CALN1: variants seen among roughly 807,000 people sequenced by gnomAD.
CALN1 encodes the protein calneuron 1.
CALN1 carries 17 observed loss-of-function variants against 30.6 expected under a neutral mutation model. That is an observed-to-expected ratio of 0.56 (90% CI 0.38 to 0.83). The LOEUF (loss-of-function observed/expected upper bound fraction) is 0.83, where lower values mean the gene tolerates loss of function less well. CALN1 is among the 40% of genes least tolerant of loss of function. The pLI, the probability that CALN1 is intolerant of heterozygous loss-of-function variation, is 0.00. For synonymous variants in CALN1, 156 were observed against 131.4 expected, an observed-to-expected ratio of 1.19 and a Z score of -1.28; for missense variants, 291 against 354.9, an observed-to-expected ratio of 0.82 and a Z score of 1.45.
At chr7:71,961,279 A>G (rs1054099724) in intron 5 of CALN1, among the ~76,000 whole-genome samples, 7 of 152,246 alleles carry the variant, frequency 4.6e-5, no homozygotes, top group African/African-American at 1.7e-4. Flanking sequence ...ATAGCAAACA[A>G]GACAGACAAG....
intron 4 of CALN1, among the ~76,000 whole-genome samples, chr7:72,073,145 C>T (rs929540356): frequency 1.3e-5 from 2 of 152,102 alleles, no homozygotes; most frequent in African/African-American, 4.8e-5. Flanking sequence ...ATAAGCCACT[C>T]ATAAAAAGAC....
chr7:72,246,467 C>T (rs934348435), intron 3 of CALN1, among the ~76,000 whole-genome samples: 5 of 152,140 alleles, frequency 3.3e-5, no homozygotes, highest in African/African-American at 1.2e-4. Context: ...CTGCCCTGTC[C>T]TGCCCCCAGT....
intron 2 of CALN1, among the ~76,000 whole-genome samples, chr7:72,377,612 ACTTCTCTG>A: frequency 6.6e-6 from 1 of 152,238 alleles, no homozygotes. Context: ...TTGTTTAGCA[ACTTCTCTG>A]AACTAATTTT....
At chr7:72,013,204 C>G (rs1352962926) in intron 5 of CALN1, among the ~76,000 whole-genome samples, 7 of 151,566 alleles carry the variant, frequency 4.6e-5, no homozygotes, top group Non-Finnish European at 1.0e-4. Flanking sequence ...TTGTTTTTGC[C>G]CCTGAAAACA....
At chr7:71,910,684 T>C (rs1794380692) in intron 5 of CALN1, among the ~76,000 whole-genome samples, 1 of 152,174 alleles carries the variant, frequency 6.6e-6, no homozygotes, top group African/African-American at 2.4e-5. Flanking sequence ...GCTTACTCAT[T>C]CTAGCAGATT....
At chr7:72,141,912 G>A (rs1563092911) in intron 3 of CALN1, among the ~76,000 whole-genome samples, 1 of 152,126 alleles carries the variant, frequency 6.6e-6, no homozygotes, top group South Asian at 2.1e-4. Context: ...CAAAACATGA[G>A]GCTTGATTAC....
chr7:72,375,324 A>T (rs1242440732), intron 2 of CALN1, among the ~76,000 whole-genome samples: 2 of 152,138 alleles, frequency 1.3e-5, no homozygotes, highest in Non-Finnish European at 2.9e-5. Flanking sequence ...GCACTTTGGG[A>T]GGCCAAAGCA....
At chr7:72,287,915 T>C (rs1798201810) in intron 2 of CALN1, among the ~76,000 whole-genome samples, 1 of 152,200 alleles carries the variant, frequency 6.6e-6, no homozygotes, top group African/African-American at 2.4e-5. Context: ...AGTATGCGAA[T>C]CTTTACCTTT....
intron 1 of CALN1, among the ~76,000 whole-genome samples, chr7:72,438,046 C>G (rs903894885): frequency 2.6e-5 from 4 of 151,926 alleles, no homozygotes; most frequent in African/African-American, 9.7e-5. Flanking sequence ...TCAATCATGG[C>G]TCACTGCAGC....
intron 2 of CALN1, among the ~76,000 whole-genome samples, chr7:72,357,576 C>T (rs1053928754): frequency 1.3e-5 from 2 of 151,732 alleles, no homozygotes; most frequent in Non-Finnish European, 2.9e-5. Context: ...TTTTTGAATG[C>T]TTTTAAATAC....
chr7:71,933,067 A>C (rs1795643392), intron 5 of CALN1, among the ~76,000 whole-genome samples: 1 of 152,050 alleles, frequency 6.6e-6, no homozygotes, highest in Non-Finnish European at 1.5e-5. Flanking sequence ...CAGCCTGCAA[A>C]ATCGAGCTAC....
rs566871656 is a variant in CALN1 at position 72,056,370 on chromosome 7, A to G, written c.389-32601T>C. Among the ~76,000 whole-genome samples, 3 of 152,180 alleles carry G rather than the reference A, an allele frequency of 2.0e-5. 1 individual carries two copies. Among genetic ancestry groups the G allele is most frequent in the Non-Finnish European group, 4.4e-5 (3 of 68,020 alleles). ...ATGAAGGTTAAGTAGGAGATAAACA[A>G]AACAGGGCAATTCAGAAATAAGCCC... On this transcript the variant is annotated intron_variant, in intron 4 of 6. Transcript: ENST00000395275.
intron 4 of CALN1, among the ~76,000 whole-genome samples, chr7:72,087,153 G>T (rs1407348343): frequency 1.3e-5 from 2 of 152,164 alleles, no homozygotes; most frequent in East Asian, 3.8e-4. Context: ...ACAAAAGAGC[G>T]TCTGAAATAA....
At chr7:72,406,687 GCTC>G (rs1806724256) in intron 1 of CALN1, among the ~76,000 whole-genome samples, 7 of 149,646 alleles carry the variant, frequency 4.7e-5, no homozygotes, top group African/African-American at 1.7e-4. Flanking sequence ...CGTGATCCCT[GCTC>G]ACTGCAGGCT....
chr7:72,031,990 G>A (rs551252123), intron 4 of CALN1, among the ~76,000 whole-genome samples: 6 of 146,604 alleles, frequency 4.1e-5, no homozygotes, highest in Admixed American at 6.9e-5. Flanking sequence ...TGATCCGTCC[G>A]CCCTCCTCCA....
chr7:72,242,354 G>A (rs1053245853), intron 3 of CALN1, among the ~76,000 whole-genome samples: 2 of 152,124 alleles, frequency 1.3e-5, no homozygotes, highest in Non-Finnish European at 2.9e-5. Context: ...TGGGGTATAG[G>A]CATAAATTGA....
At chr7:72,226,160 G>A (rs769208759) in intron 3 of CALN1, among the ~76,000 whole-genome samples, 3 of 150,902 alleles carry the variant, frequency 2.0e-5, no homozygotes, top group African/African-American at 4.9e-5. Flanking sequence ...CAGGAGAATC[G>A]CTTGAATCCG....
chr7:72,118,721 G>A (rs1808169849), intron 3 of CALN1, among the ~76,000 whole-genome samples: 1 of 152,092 alleles, frequency 6.6e-6, no homozygotes, highest in Non-Finnish European at 1.5e-5. Flanking sequence ...GATAATCACT[G>A]GAGGGTCTCC....
Position 71,787,862 on chromosome 7 carries a change from C to A in CALN1, c.699G>T (p.Lys233Asn). The A allele has an allele frequency of 6.2e-7, 1 of 1,614,112 alleles. No individual in the cohort carries two copies. Among genetic ancestry groups the A allele is most frequent in the Non-Finnish European group, 8.5e-7 (1 of 1,180,008 alleles). ...QKQNRQTCVR[K>N]SLICAFAMAF... ...CCATAGCAAAGGCGCATATGAGGCTCTTCCGGACGCAGGTCTGTCTGTTCT... is the reference window on the plus strand; with the variant it reads ...CCATAGCAAAGGCGCATATGAGGCTATTCCGGACGCAGGTCTGTCTGTTCT... Residue 233 changes from lysine to asparagine, a missense_variant, in exon 7 of 7, where the codon AAG becomes AAT. Lys to Asn is a moderately conservative substitution (Grantham distance 94). Transcript: ENST00000395275.
Sources: allele counts gnomAD v4.1 joint callset (sites outside exome capture counted in the v4.1 genomes callset), GRCh38; gene constraint gnomAD v4.1.1; transcripts MANE v1.5; gene names NCBI Gene and HGNC (gene_info 2026-07-23, HGNC 2026-07-21).